Variants in TAC1 observed in about 807,000 individuals in gnomAD.
TAC1 encodes the protein protachykinin-1.
A neutral mutation model predicts 21.7 loss-of-function variants in TAC1; 12 were observed. The observed-to-expected ratio is 0.55, with a 90% CI of 0.35 to 0.89. TAC1 has a LOEUF of 0.89. Among genes scored for constraint, TAC1 ranks in the 40% least tolerant of loss-of-function variants. The probability of loss-of-function intolerance (pLI) is 0.01; values close to 1 mark genes in which losing one functional copy is unlikely to be tolerated. For missense variants in TAC1, 128 were observed against 151.4 expected (o/e 0.85, Z 0.81); for synonymous variants, 52 against 52.0 (o/e 1.00, Z 0.00).
intron 6 of TAC1, among the ~76,000 whole-genome samples, chr7:97,737,825 A>G (rs955132439): frequency 6.6e-6 from 1 of 152,034 alleles, no homozygotes. Flanking sequence ...GAAATGAAAT[A>G]TAAATTTAAA....
chr7:97,739,797 A>G, intron 6 of TAC1, 77 bp from the exon 7 acceptor site: 1 of 993,104 alleles, frequency 1.0e-6, no homozygotes, highest in Non-Finnish European at 1.5e-6. Flanking sequence ...ATAAATTACT[A>G]TATGCCCTGA....
At position 97,732,980 on chromosome 7, in the gene TAC1, C is replaced by A; in HGVS notation, c.123+245C>A. The stretch of plus-strand genomic sequence containing the variant: ...CCAGGAACTCCCTGCAGTAGGGATG[C>A]CCTCCCGGATGAGCCCGAGATCCTC... On this transcript the variant is annotated intron_variant, in intron 2 of 6. Coordinates refer to ENST00000319273, the MANE Select transcript of TAC1 (RefSeq NM_003182.3). This position sits in a 1 kb window ranked among gnomAD's most constrained non-coding sequence, Gnocchi z 6.2. 1 of 407,784 alleles carries A rather than the reference C, an allele frequency of 2.5e-6. No homozygotes were observed. Among genetic ancestry groups the A allele is most frequent in the Non-Finnish European group, 4.4e-6 (1 of 228,096 alleles). 25.3% of individuals were successfully genotyped at this position (407,784 alleles called of 1,614,324 possible).
Position 97,740,007 on chromosome 7 carries a change from A to G in TAC1, c.*87A>G, listed in dbSNP as rs1789668827. 8.8e-6 allele frequency: 8 copies of G among 909,034 alleles called. No individual in the cohort carries two copies. Among genetic ancestry groups the G allele is most frequent in the Non-Finnish European group, 9.7e-6 (6 of 618,168 alleles). 56.3% of individuals were successfully genotyped at this position (909,034 alleles called of 1,614,324 possible). ...AAGACATGCACTATGAGGAATAATT[A>G]TTTATTTAATAACAATTGTTTGGGG... On this transcript the variant is annotated 3_prime_UTR_variant, in exon 7 of 7. Transcript: ENST00000319273.
chr7:97,735,205 C>T (rs1233523395), intron 5 of TAC1, among the ~76,000 whole-genome samples: 2 of 152,022 alleles, frequency 1.3e-5, no homozygotes, highest in South Asian at 2.1e-4. Context: ...CAAACAAACA[C>T]GAAACCCCCA....
chr7:97,733,731 G>T lies in TAC1; in HGVS notation c.132G>T (p.Leu44=). ...WYDSDQIKEE[L]PEPFEHLLQR... is the part of the protein sequence containing the mutation. ...GTGCTTTTGTCTCCCAGGAGGAACT[G>T]CCGGAGCCCTTTGAGCATCTTCTGC... The change falls in exon 3 of 7, where the codon CTG becomes CTT. Residue 44 remains leucine, a synonymous_variant. Coordinates refer to ENST00000319273, the MANE Select transcript of TAC1 (RefSeq NM_003182.3). 6.2e-7 allele frequency: 1 copy of T among 1,614,040 alleles called. No individual in the cohort carries two copies. The highest frequency in any genetic ancestry group is 8.5e-7 in the Non-Finnish European group (1 of 1,179,970).
chr7:97,734,387 T>C, intron 4 of TAC1, 95 bp downstream of exon 4: 1 of 1,093,616 alleles, frequency 9.1e-7, no homozygotes, highest in South Asian at 1.4e-5. Flanking sequence ...AAGATCTGGG[T>C]CATGCCTGTT....
Position 97,732,850 on chromosome 7 carries a change from C to T in TAC1, c.123+115C>T. 1 of 1,368,000 alleles carries T rather than the reference C, an allele frequency of 7.3e-7. No individual in the cohort carries two copies. The highest frequency in any genetic ancestry group is 9.9e-7 in the Non-Finnish European group (1 of 1,013,602). 84.7% of individuals were successfully genotyped at this position (1,368,000 alleles called of 1,614,324 possible). A position where few individuals can be genotyped will look rare whatever the true frequency, so the allele number is the denominator to read the frequency against. ...CACGCACCGCCACCACGGAAAGAGG[C>T]AGCGGTTGCGTGCGAGAGGATGGAA... On this transcript the variant is annotated intron_variant, in intron 2 of 6. Transcript: ENST00000319273. This position sits in a 1 kb window ranked among gnomAD's most constrained non-coding sequence, Gnocchi z 6.2.
At position 97,734,289 on chromosome 7, in the gene TAC1, T is replaced by C; in HGVS notation, c.262T>C (p.Tyr88His). 4 of 1,613,108 alleles carry C rather than the reference T, an allele frequency of 2.5e-6. No homozygotes were observed. The South Asian group carries it at 4.4e-5, about 18-fold the overall frequency. ...ACAAGTGGCCCTGTTAAAGGCTCTT[T>C]ATGGTAAACATTCCTATAAATCTTT... ...EKQVALLKAL[Y>H]GHGQISHKRH... Residue 88 changes from tyrosine to histidine, a missense_variant, in exon 4 of 7, where the codon TAT becomes CAT. Transcript: ENST00000319273.
chr7:97,738,970 A>G (rs936957858), intron 6 of TAC1, among the ~76,000 whole-genome samples: 1 of 149,992 alleles, frequency 6.7e-6, no homozygotes, highest in Non-Finnish European at 1.5e-5. Flanking sequence ...CTTTGTGGTT[A>G]CAGATCCCTT....
chr7:97,736,819 C>T (rs1789583142), intron 6 of TAC1, among the ~76,000 whole-genome samples: 1 of 152,030 alleles, frequency 6.6e-6, no homozygotes, highest in African/African-American at 2.4e-5. Flanking sequence ...GCAAATTAAT[C>T]ACTTTTTATG....
chr7:97,734,021 T>C (rs1011920783), intron 3 of TAC1: 8 of 684,906 alleles, frequency 1.2e-5, no homozygotes, highest in Middle Eastern at 2.6e-4. Flanking sequence ...TTCGCATGCC[T>C]CACTGTATTC....
At chr7:97,734,502 T>TC (rs1239183180) in intron 4 of TAC1, among the ~76,000 whole-genome samples, 1 of 150,256 alleles carries the variant, frequency 6.7e-6, no homozygotes, top group Non-Finnish European at 1.5e-5. Context: ...TCTCTCTCTC[T>TC]TTCTCTCTCT....
In TAC1 at chr7:97,732,374, G is replaced by A. The variant is rs1789455033; in HGVS notation, c.-10+179G>A. ...GTTTCCTGGTTTGAAGGTGTGGGTTGGTGGGTTAGGGGGCTGGGGGAGTTG... is the reference window on the plus strand; with the variant it reads ...GTTTCCTGGTTTGAAGGTGTGGGTTAGTGGGTTAGGGGGCTGGGGGAGTTG... On this transcript the variant is annotated intron_variant, in intron 1 of 6. Transcript: ENST00000319273. The surrounding 1 kb of genome is among the most constrained non-coding windows in gnomAD (Gnocchi z 6.2). 6.6e-6 allele frequency among the ~76,000 whole-genome samples: 1 copy of A among 152,174 alleles called. No homozygotes were observed. Among genetic ancestry groups the A allele is most frequent in the Non-Finnish European group, 1.5e-5 (1 of 68,018 alleles).
At chr7:97,737,190 A>T (rs1177201208) in intron 6 of TAC1, among the ~76,000 whole-genome samples, 1 of 152,022 alleles carries the variant, frequency 6.6e-6, no homozygotes, top group African/African-American at 2.4e-5. Context: ...AAGACCTTAT[A>T]GCTCTTACCT....
intron 6 of TAC1, among the ~76,000 whole-genome samples, chr7:97,737,446 G>C (rs1035241894): frequency 2.6e-5 from 4 of 151,428 alleles, no homozygotes; most frequent in Non-Finnish European, 5.9e-5. Flanking sequence ...TGTAAGACTT[G>C]GGTACATTAA....
chr7:97,736,766 G>T (rs1005960963), intron 6 of TAC1, among the ~76,000 whole-genome samples: 2 of 151,954 alleles, frequency 1.3e-5, no homozygotes, highest in African/African-American at 2.4e-5. Flanking sequence ...TACATTTGGC[G>T]ATCTTCCAAT....
rs571553577 is a variant in TAC1, at chr7:97,737,429, T to G, written c.343+1077T>G. Reference sequence around the variant, plus strand: ...TTTTAATGGAGATTTTTTTCTTTATTGTGAAATGTAAGACTTGGGTACATT... The same window carrying G: ...TTTTAATGGAGATTTTTTTCTTTATGGTGAAATGTAAGACTTGGGTACATT... On this transcript the variant is annotated intron_variant, in intron 6 of 6. Transcript: ENST00000319273. Among the ~76,000 whole-genome samples the G allele has an allele frequency of 7.2e-5, 11 of 152,032 alleles. No individual in the cohort carries two copies. The South Asian group carries it at 2.1e-3, about 29-fold the overall frequency.
intron 5 of TAC1, 117 bp from the exon 6 acceptor site, chr7:97,736,182 A>G (rs2115840826): frequency 5.3e-6 from 4 of 748,570 alleles, no homozygotes; most frequent in Admixed American, 3.1e-5. Context: ...CCAAAACTTG[A>G]AGTAGATAGA....
At chr7:97,734,189 C>G in intron 3 of TAC1, 59 bp from the exon 4 acceptor site, 1 of 1,528,456 alleles carries the variant, frequency 6.5e-7, no homozygotes, top group Non-Finnish European at 9.1e-7. Context: ...ATATCGTTTC[C>G]TTGAATTCAT....
Sources: gnomAD v4.1 joint callset for allele counts (sites outside exome capture counted in the v4.1 genomes callset) on GRCh38, gnomAD v4.1.1 for gene constraint, Gnocchi (gnomAD v3.1) non-coding constraint, MANE v1.5 for transcripts, NCBI Gene and HGNC (gene_info 2026-07-23, HGNC 2026-07-21) for gene names.